Variants in NID2 observed in about 807,000 individuals in gnomAD.
NID2 encodes the protein nidogen-2.
Under a neutral mutation model 145.4 loss-of-function variants are expected in NID2, and 83 were observed. The observed-to-expected ratio is 0.57, with a 90% CI of 0.48 to 0.69. The LOEUF is 0.69. Among genes scored for constraint, NID2 ranks in the 30% least tolerant of loss-of-function variants. The pLI, the probability that NID2 is intolerant of heterozygous loss-of-function variation, is 0.00. For synonymous variants in NID2, 739 were observed against 701.3 expected (o/e 1.05, Z -0.85); for missense variants, 1,807 against 1,765.7 (o/e 1.02, Z -0.42).
chr14:52,013,641 G>A (rs1040692316), intron 16 of NID2, among the ~76,000 whole-genome samples: 2 of 151,736 alleles, frequency 1.3e-5, no homozygotes, highest in African/African-American at 2.4e-5. Context: ...GAGAAAACCC[G>A]CTCCCCAAAA....
intron 16 of NID2, among the ~76,000 whole-genome samples, chr14:52,013,189 C>T (rs1481852207): frequency 6.6e-6 from 1 of 152,188 alleles, no homozygotes; most frequent in Admixed American, 6.5e-5. Flanking sequence ...GTGCAAATAA[C>T]CCACGTCCCA....
intron 3 of NID2, among the ~76,000 whole-genome samples, chr14:52,059,726 T>G (rs118035768): frequency 0.015 from 2,299 of 152,364 alleles, 35 homozygotes; most frequent in Non-Finnish European, 0.026. Context: ...CTCAATTTAA[T>G]GTTTAACAGT....
chr14:52,018,690 C>G (rs1891298985), intron 14 of NID2, among the ~76,000 whole-genome samples: 1 of 152,208 alleles, frequency 6.6e-6, no homozygotes, highest in Non-Finnish European at 1.5e-5. Flanking sequence ...CATAGGAAAG[C>G]AGTTTTCCTT....
chr14:52,031,564 T>C (rs1332937722), intron 9 of NID2, among the ~76,000 whole-genome samples: 1 of 152,218 alleles, frequency 6.6e-6, no homozygotes, highest in Non-Finnish European at 1.5e-5. Context: ...TTCTGCCTCA[T>C]ACTTCTGTGC....
intron 14 of NID2, among the ~76,000 whole-genome samples, chr14:52,015,873 G>A (rs1327718173): frequency 6.6e-6 from 1 of 152,192 alleles, no homozygotes; most frequent in Non-Finnish European, 1.5e-5. Context: ...ATGGAGTAAA[G>A]GTAAAACTGA....
At chr14:52,067,355 C>G (rs1256675530) in intron 2 of NID2, among the ~76,000 whole-genome samples, 1 of 152,088 alleles carries the variant, frequency 6.6e-6, no homozygotes, top group African/African-American at 2.4e-5. Flanking sequence ...ACAGTATGTG[C>G]AGTGTAAACT....
chr14:52,005,391 C>CAATT lies in NID2; in HGVS notation c.*91_*94dup. 7.9e-7 allele frequency: 1 copy of CAATT among 1,260,916 alleles called. No homozygotes were observed. Among genetic ancestry groups the CAATT allele is most frequent in the Admixed American group, 2.6e-5 (1 of 38,956 alleles). The allele number at this position is 1,260,916 out of a possible 1,614,324, so 78.1% of individuals were successfully genotyped here. A position where few individuals can be genotyped will look rare whatever the true frequency, so the allele number is the denominator to read the frequency against. ...TGGATGCTCAGGAACGTCTAATGGC[C>CAATT]AATTCCTTTTTTACTTTCTTTGCCT... is the stretch of plus-strand genomic sequence containing the variant. On this transcript the variant is annotated 3_prime_UTR_variant, in exon 22 of 22. Transcript: ENST00000216286.
intron 14 of NID2, among the ~76,000 whole-genome samples, chr14:52,016,891 A>C (rs996990064): frequency 1.3e-5 from 2 of 152,200 alleles, no homozygotes; most frequent in African/African-American, 2.4e-5. Context: ...TCAGAGCTCA[A>C]ACCCAACTAG....
rs142002042 is a variant in NID2, at chr14:52,011,583, C to G, written c.3521G>C (p.Gly1174Ala). ...ATTCACGATCGTCTCAGGCTCTGCT[C>G]CCAGTTCCAGACCAGCACGGCTGAT... ...RTISRAGLELGAEPETIVNSG... is the reference protein window; with the variant it reads ...RTISRAGLELAAEPETIVNSG... The change falls in exon 17 of 22, where the codon GGA becomes GCA. Residue 1174 changes from glycine (G) to alanine (A), a missense_variant. Gly to Ala is a moderately conservative substitution (Grantham distance 60). Transcript: ENST00000216286. 2 of 1,614,198 alleles carry G rather than the reference C, an allele frequency of 1.2e-6. No homozygotes were observed. The highest frequency in any genetic ancestry group is 8.5e-7 in the Non-Finnish European group (1 of 1,180,032).
chr14:52,060,247 T>C lies in NID2; in HGVS notation c.644A>G (p.Tyr215Cys), dbSNP rs1892979641. 6.2e-7 allele frequency: 1 copy of C among 1,613,672 alleles called. No homozygotes were observed. Among genetic ancestry groups the C allele is most frequent in the African/African-American group, 1.3e-5 (1 of 74,804 alleles). Residue 215 changes from tyrosine to cysteine, a missense_variant, in exon 3 of 22, where the codon TAC becomes TGC. Coordinates refer to ENST00000216286, the MANE Select transcript of NID2 (RefSeq NM_007361.4). ...QFLGTRPKES[Y>C]NVQLQLPARV... is the part of the protein sequence containing the mutation. ...AGCTGGAAGCTGAAGCTGGACATTGTAAGACTCTTTGGGGCGGGTTCCAAG... is the reference window on the plus strand; with the variant it reads ...AGCTGGAAGCTGAAGCTGGACATTGCAAGACTCTTTGGGGCGGGTTCCAAG...
At chr14:52,012,891 C>G (rs948167749) in intron 16 of NID2, among the ~76,000 whole-genome samples, 4 of 152,160 alleles carry the variant, frequency 2.6e-5, no homozygotes, top group Admixed American at 6.5e-5. Flanking sequence ...CCTGCCTTGC[C>G]TAACAGCCTC....
At chr14:52,035,856 G>GTGTA (rs763855059) in intron 9 of NID2, among the ~76,000 whole-genome samples, 1 of 65,284 alleles carries the variant, frequency 1.5e-5, no homozygotes, top group African/African-American at 4.7e-5. Flanking sequence ...ATTTTTTTGT[G>GTGTA]TATATATATA....
At chr14:52,044,150 G>A (rs1381688062) in intron 5 of NID2, among the ~76,000 whole-genome samples, 1 of 151,468 alleles carries the variant, frequency 6.6e-6, no homozygotes, top group African/African-American at 2.4e-5. Context: ...GAGCTAATGA[G>A]ACATAGCATT....
chr14:52,067,026 T>G, intron 2 of NID2, among the ~76,000 whole-genome samples: 1 of 152,206 alleles, frequency 6.6e-6, no homozygotes, highest in East Asian at 1.9e-4. Flanking sequence ...TGGAAGGCAA[T>G]TAGGCAGAAG....
intron 17 of NID2, 97 bp downstream of exon 17, chr14:52,011,457 C>G (rs930300044): frequency 3.3e-6 from 5 of 1,506,992 alleles, no homozygotes; most frequent in Non-Finnish European, 3.6e-6. Context: ...CTTAACCTCC[C>G]CTAATGGAGA....
At chr14:52,008,785 G>C (rs1289585304) in intron 18 of NID2, 3 of 152,174 alleles carry the variant, frequency 2.0e-5, no homozygotes, top group Non-Finnish European at 2.9e-5. Context: ...ATGTGGACCA[G>C]GGATTTGAGA....
intron 12 of NID2, among the ~76,000 whole-genome samples, chr14:52,025,629 T>A (rs1217455470): frequency 6.6e-6 from 1 of 152,202 alleles, no homozygotes; most frequent in East Asian, 1.9e-4. Flanking sequence ...TGGTTGGGAC[T>A]CTCAGTAGAG....
chr14:52,042,733 G>A (rs111467215), intron 6 of NID2, 49 bp downstream of exon 6: 5 of 1,588,814 alleles, frequency 3.1e-6, no homozygotes, highest in Non-Finnish European at 4.3e-6. Flanking sequence ...CTGGAAACAG[G>A]TAAGCAGCAG....
intron 5 of NID2, among the ~76,000 whole-genome samples, chr14:52,049,131 A>T (rs938932437): frequency 4.6e-5 from 7 of 152,100 alleles, no homozygotes; most frequent in Admixed American, 3.3e-4. Context: ...CTGAGGTTTG[A>T]TAGTTGCTAA....
Sources: allele counts gnomAD v4.1 joint callset (sites outside exome capture counted in the v4.1 genomes callset), GRCh38; gene constraint gnomAD v4.1.1; transcripts MANE v1.5; gene names NCBI Gene and HGNC (gene_info 2026-07-23, HGNC 2026-07-21).